Variants in DST observed in about 807,000 individuals in gnomAD.
DST encodes bullous pemphigoid antigen.
A neutral mutation model predicts 875.2 loss-of-function variants in DST; 253 were observed. The ratio of observed to expected loss-of-function variants is 0.29; its 90% CI spans 0.26 to 0.32. DST has a LOEUF of 0.32. Ranked by LOEUF, DST falls within the 10% of genes least tolerant of loss-of-function variation. DST has a pLI of 1.00. For missense variants in DST, 8,287 were observed against 9,111.6 expected, an observed-to-expected ratio of 0.91 and a Z score of 3.68; for synonymous variants, 3,124 against 3,197.1, an observed-to-expected ratio of 0.98 and a Z score of 0.77.
At chr6:56,542,387 T>G (rs1369364175) in intron 61 of DST, 1 of 131,784 alleles carries the variant, frequency 7.6e-6, no homozygotes, top group Non-Finnish European at 1.5e-5. Context: ...CCAGCAACCG[T>G]TTAAAGTAAA....
At position 56,530,405 on chromosome 6, in the gene DST, A is replaced by C. The variant is rs182181754; in HGVS notation, c.17109-272T>G. Among the ~76,000 whole-genome samples the C allele has an allele frequency of 5.5e-3, 845 of 152,330 alleles. 1 individual carries two copies. Among genetic ancestry groups the C allele is most frequent in the Non-Finnish European group, 9.3e-3 (635 of 68,022 alleles). Reference sequence around the variant, plus strand: ...CAATACTTCCAATAGTTACAGTTATAATAATGACAGCAATGTTATAATAAT... The same window carrying C: ...CAATACTTCCAATAGTTACAGTTATCATAATGACAGCAATGTTATAATAAT... On this transcript the variant is annotated intron_variant, in intron 64 of 103. Transcript: ENST00000680361.
intron 87 of DST, 133 bp from the exon 88 acceptor site, chr6:56,485,604 T>C: frequency 1.2e-6 from 1 of 855,882 alleles, no homozygotes; most frequent in Non-Finnish European, 1.8e-6. Context: ...CATTGTTGTT[T>C]CTTTGCTCTT....
Position 56,704,564 on chromosome 6 carries a change from A to G in DST, c.688-195T>C, listed in dbSNP as rs540467748. ...ACTTAAAAAAGTGAATTTCAGATTA[A>G]TAATTCAAGAAGACAATTCAAATTA... is the stretch of plus-strand genomic sequence containing the variant. On this transcript the variant is annotated intron_variant, in intron 5 of 103. Transcript: ENST00000680361. Among the ~76,000 whole-genome samples the G allele has an allele frequency of 2.1e-3, 317 of 152,376 alleles. 3 individuals are homozygous for G. The highest frequency in any genetic ancestry group is 3.2e-3 in the Non-Finnish European group (215 of 68,040).
intron 9 of DST, among the ~76,000 whole-genome samples, chr6:56,683,655 T>A (rs1240496700): frequency 6.6e-6 from 1 of 152,198 alleles, no homozygotes; most frequent in Non-Finnish European, 1.5e-5. Flanking sequence ...AAAGGAAGTA[T>A]TAAAGACAGA....
chr6:56,613,980 A>G (rs576590614), intron 37 of DST, among the ~76,000 whole-genome samples: 4 of 152,326 alleles, frequency 2.6e-5, no homozygotes, highest in Non-Finnish European at 5.9e-5. Flanking sequence ...CTGTAAGAAT[A>G]AGACGGCATA....
chr6:56,636,257 C>T (rs1182566309), intron 23 of DST, among the ~76,000 whole-genome samples: 3 of 142,940 alleles, frequency 2.1e-5, no homozygotes, highest in African/African-American at 5.7e-5. Context: ...TATATATATA[C>T]ACACACACAC....
intron 4 of DST, among the ~76,000 whole-genome samples, chr6:56,763,292 T>C (rs1276326312): frequency 6.6e-6 from 1 of 152,198 alleles, no homozygotes; most frequent in Non-Finnish European, 1.5e-5. Context: ...TCCTGATCAC[T>C]TACCTAATAA....
chr6:56,897,663 A>T (rs1233619407), intron 3 of DST, among the ~76,000 whole-genome samples: 1 of 151,982 alleles, frequency 6.6e-6, no homozygotes, highest in East Asian at 1.9e-4. Context: ...CTCTGCTGTC[A>T]CTGTAACCCT....
At chr6:56,642,270 A>C in intron 16 of DST, 140 bp downstream of exon 16, 1 of 863,454 alleles carries the variant, frequency 1.2e-6, no homozygotes, top group East Asian at 2.6e-5. Flanking sequence ...AGCAAACACC[A>C]ATCATAATCT....
chr6:56,653,823 T>A (rs745974202), intron 10 of DST, among the ~76,000 whole-genome samples: 6 of 152,248 alleles, frequency 3.9e-5, no homozygotes, highest in Non-Finnish European at 5.9e-5. Context: ...GCCTGAAGCA[T>A]CCAGAAGACG....
chr6:56,526,752 T>C (rs1264149660), intron 68 of DST, among the ~76,000 whole-genome samples, 185 bp from the exon 69 acceptor site: 2 of 141,486 alleles, frequency 1.4e-5, no homozygotes, highest in Admixed American at 7.7e-5. Context: ...AAAAGAAAAA[T>C]GTTTCCTGAG....
Position 56,606,084 on chromosome 6 carries a change from ACT to A in DST, c.8542_8543del (p.Ser2848Ter). The A allele has an allele frequency of 2.5e-6, 4 of 1,612,804 alleles. No individual in the cohort carries two copies. Among genetic ancestry groups the A allele is most frequent in the Non-Finnish European group, 3.4e-6 (4 of 1,179,230 alleles). On this transcript the variant is annotated frameshift_variant, in exon 40 of 104. Transcript: ENST00000680361. LOFTEE classifies it high-confidence loss of function. ...QLCASILNEN[S>X]DENENINTMI... ...TTGTATTAATATTTTCATTTTCATCACTGTTTTCATTTAAAATAGAGGCACAC... is the reference window on the plus strand; with the variant it reads ...TTGTATTAATATTTTCATTTTCATCAGTTTTCATTTAAAATAGAGGCACAC...
rs368560111 is a variant in DST at position 56,511,237 on chromosome 6, C to T, written c.18740G>A (p.Arg6247His). ...YSQIKEDVKK[R>H]AVALDEAISQ... ...AATGGCTTCATCCAGTGCCACAGCACGCTTTTTGACATCTTCTTTAATTTG... is the reference window on the plus strand; with the variant it reads ...AATGGCTTCATCCAGTGCCACAGCATGCTTTTTGACATCTTCTTTAATTTG... The change falls in exon 73 of 104, where the codon CGT becomes CAT. Residue 6247 changes from arginine (R) to histidine (H), a missense_variant. Coordinates refer to ENST00000680361, the MANE Select transcript of DST (RefSeq NM_001374736.1). 1.3e-4 allele frequency: 214 copies of T among 1,592,454 alleles called. No homozygotes were observed. The highest frequency in any genetic ancestry group is 1.7e-4 in the Non-Finnish European group (201 of 1,168,218).
Position 56,645,930 on chromosome 6 carries a change from C to G in DST, c.1714G>C (p.Glu572Gln). Residue 572 changes from glutamate to glutamine, a missense_variant, in exon 15 of 104, where the codon GAG becomes CAG. Glu to Gln is a conservative substitution (Grantham distance 29, BLOSUM62 2). Coordinates refer to ENST00000680361, the MANE Select transcript of DST (RefSeq NM_001374736.1). ...QGYHPNDIEK[E>Q]WGKLIIAMLE... is the part of the protein sequence containing the mutation. ...ATGGCAATAATGAGTTTCCCCCACT[C>G]TTTTTCTATGTCATTTGGATGATAA... 6.2e-7 allele frequency: 1 copy of G among 1,613,856 alleles called. No individual in the cohort carries two copies. Among genetic ancestry groups the G allele is most frequent in the Non-Finnish European group, 8.5e-7 (1 of 1,179,798 alleles).
At chr6:56,537,062 T>A in intron 61 of DST, 122 bp from the exon 62 acceptor site, 1 of 832,776 alleles carries the variant, frequency 1.2e-6, no homozygotes, top group Non-Finnish European at 1.8e-6. Flanking sequence ...GTAAAGATAA[T>A]TTTTATTGTC....
intron 5 of DST, among the ~76,000 whole-genome samples, chr6:56,710,033 T>C (rs1202849506): frequency 2.0e-5 from 3 of 152,200 alleles, no homozygotes; most frequent in African/African-American, 7.2e-5. Flanking sequence ...AGCTTGAACT[T>C]TTCCTACACA....
At chr6:56,612,648 T>C (rs568836521) in intron 37 of DST, among the ~76,000 whole-genome samples, 1 of 152,168 alleles carries the variant, frequency 6.6e-6, no homozygotes, top group Non-Finnish European at 1.5e-5. Flanking sequence ...TTAGAGTCAA[T>C]TTAAAGTTTA....
At chr6:56,806,015 C>A (rs1249454026) in intron 4 of DST, among the ~76,000 whole-genome samples, 1 of 152,116 alleles carries the variant, frequency 6.6e-6, no homozygotes, top group East Asian at 1.9e-4. Flanking sequence ...GACATGCAAA[C>A]CTCATTAGGA....
intron 3 of DST, among the ~76,000 whole-genome samples, chr6:56,884,189 T>C (rs943761502): frequency 4.6e-5 from 7 of 152,090 alleles, no homozygotes; most frequent in Non-Finnish European, 8.8e-5. Flanking sequence ...TTATATTCGG[T>C]TTATTCACCC....
Sources: gnomAD v4.1 joint callset for allele counts (sites outside exome capture counted in the v4.1 genomes callset) on GRCh38, gnomAD v4.1.1 for gene constraint, MANE v1.5 for transcripts, NCBI Gene and HGNC (gene_info 2026-07-23, HGNC 2026-07-21) for gene names.